OBI1: variants seen among roughly 807,000 people sequenced by gnomAD.
OBI1 encodes the protein ring finger protein 219.
A neutral mutation model predicts 62.4 loss-of-function variants in OBI1; 59 were observed. The observed-to-expected ratio is 0.95, with a 90% CI of 0.77 to 1.17. OBI1 has a LOEUF of 1.17. Among genes scored for constraint, OBI1 ranks in the 50% most tolerant of loss-of-function variants. OBI1 has a pLI of 0.00. For synonymous variants in OBI1, 302 were observed against 292.8 expected (o/e 1.03, Z -0.32); for missense variants, 875 against 830.9 (o/e 1.05, Z -0.65).
At chr13:78,639,118 C>G in intron 3 of OBI1, 47 bp from the exon 4 acceptor site, 1 of 1,553,368 alleles carries the variant, frequency 6.4e-7, no homozygotes. Flanking sequence ...ACACTAAACA[C>G]ATACATACAT....
chr13:78,658,963 C>T (rs1002765050), intron 1 of OBI1, 86 bp downstream of exon 1: 2 of 1,260,632 alleles, frequency 1.6e-6, no homozygotes, highest in Non-Finnish European at 2.3e-6. Context: ...CACGCCCCTT[C>T]CCCGCCCCCG....
intron 1 of OBI1, among the ~76,000 whole-genome samples, chr13:78,647,883 A>G (rs1876430843): frequency 1.3e-5 from 2 of 152,198 alleles, no homozygotes; most frequent in Admixed American, 1.3e-4. Flanking sequence ...TATGAACACT[A>G]ACCCAAGAAA....
chr13:78,654,045 A>AC (rs1876624571), intron 1 of OBI1, among the ~76,000 whole-genome samples: 1 of 151,358 alleles, frequency 6.6e-6, no homozygotes, highest in Non-Finnish European at 1.5e-5. Context: ...AAAAAAAAAA[A>AC]AACCTGTGTG....
chr13:78,616,143 C>CA lies in OBI1; in HGVS notation c.1617dup (p.Glu540Ter). On this transcript the variant is annotated frameshift_variant, in exon 6 of 6. Coordinates refer to ENST00000282003, the MANE Select transcript of OBI1 (RefSeq NM_024546.4). LOFTEE classifies it high-confidence loss of function. ...GACTCTGACATCATTGAATCCAACT[C>CA]AGAGATTTTGTCAAGGTAAGCAGCA... is the stretch of plus-strand genomic sequence containing the variant. 8 of 1,614,134 alleles carry CA rather than the reference C, an allele frequency of 5.0e-6. No individual in the cohort carries two copies. Among genetic ancestry groups the CA allele is most frequent in the Non-Finnish European group, 6.8e-6 (8 of 1,180,028 alleles).
At chr13:78,621,810 G>C (rs1177475734) in intron 5 of OBI1, among the ~76,000 whole-genome samples, 1 of 152,172 alleles carries the variant, frequency 6.6e-6, no homozygotes, top group African/African-American at 2.4e-5. Context: ...AAGCAATGTG[G>C]AGCTCTTTCA....
chr13:78,643,078 T>C (rs2329100), intron 2 of OBI1, among the ~76,000 whole-genome samples: 146,157 of 152,132 alleles, frequency 0.96, 70,434 homozygotes, highest in East Asian at 1. Context: ...CTTCTTTGTA[T>C]TTTTTAGCAT....
At chr13:78,641,777 A>G (rs1249486889) in intron 3 of OBI1, among the ~76,000 whole-genome samples, 1 of 151,660 alleles carries the variant, frequency 6.6e-6, no homozygotes, top group African/African-American at 2.4e-5. Context: ...TTTTCTCCCA[A>G]CTTCTTGAGG....
At chr13:78,618,090 C>T (rs1004814871) in intron 5 of OBI1, among the ~76,000 whole-genome samples, 1 of 152,032 alleles carries the variant, frequency 6.6e-6, no homozygotes, top group Admixed American at 6.6e-5. Context: ...AAAATATCTA[C>T]CTTAAATTCA....
intron 1 of OBI1, among the ~76,000 whole-genome samples, chr13:78,658,027 ACTTT>A (rs1220302497): frequency 1.3e-5 from 2 of 152,184 alleles, no homozygotes; most frequent in Non-Finnish European, 2.9e-5. Context: ...TCCAATGCTG[ACTTT>A]CTTCTACTTT....
intron 1 of OBI1, among the ~76,000 whole-genome samples, chr13:78,652,334 C>T (rs1876566674): frequency 6.6e-6 from 1 of 151,980 alleles, no homozygotes; most frequent in South Asian, 2.1e-4. Flanking sequence ...TCCTCTTCTA[C>T]CCAGATCCTG....
At position 78,635,165 on chromosome 13, in the gene OBI1, GACC is replaced by G. The variant is rs1875983911; in HGVS notation, c.580_582del (p.Gly194del). ...TTCAGTCGTAAATTCTCCCTCACCA[GACC>G]ACCATTTTCCAATTTCAATTTTTTA... On this transcript the variant is annotated inframe_deletion, in exon 5 of 6. Coordinates refer to ENST00000282003, the MANE Select transcript of OBI1 (RefSeq NM_024546.4). 2 of 1,609,382 alleles carry G rather than the reference GACC, an allele frequency of 1.2e-6. No individual in the cohort carries two copies. Among genetic ancestry groups the G allele is most frequent in the African/African-American group, 1.3e-5 (1 of 74,822 alleles).
chr13:78,654,953 C>A (rs1876656079), intron 1 of OBI1, among the ~76,000 whole-genome samples: 1 of 152,124 alleles, frequency 6.6e-6, no homozygotes, highest in African/African-American at 2.4e-5. Context: ...TCAAAATACT[C>A]TGGTTTATTG....
chr13:78,628,124 C>T (rs1048516382), intron 5 of OBI1, among the ~76,000 whole-genome samples: 1 of 152,156 alleles, frequency 6.6e-6, no homozygotes, highest in Non-Finnish European at 1.5e-5. Context: ...TAATTGCTAA[C>T]TATGGACTCT....
At position 78,644,913 on chromosome 13, in the gene OBI1, G is replaced by C; in HGVS notation, c.157C>G (p.Pro53Ala). 6.2e-7 allele frequency: 1 copy of C among 1,613,930 alleles called. No individual in the cohort carries two copies. Among genetic ancestry groups the C allele is most frequent in the Non-Finnish European group, 8.5e-7 (1 of 1,179,934 alleles). The part of the protein sequence containing the change: ...DLWLKNNSQC[P>A]ACRVPITPEN... Reference sequence around the variant, plus strand: ...GGAGTGATGGGGACTCTGCAAGCTGGACACTGGCTATTATTCTTCAACCAC... The same window carrying C: ...GGAGTGATGGGGACTCTGCAAGCTGCACACTGGCTATTATTCTTCAACCAC... The change falls in exon 2 of 6, where the codon CCA becomes GCA. Residue 53 changes from proline to alanine, a missense_variant. By Grantham distance (27) the Pro-to-Ala change is conservative. Coordinates refer to ENST00000282003, the MANE Select transcript of OBI1 (RefSeq NM_024546.4).
chr13:78,628,736 G>C (rs1215296685), intron 5 of OBI1, among the ~76,000 whole-genome samples: 6 of 152,078 alleles, frequency 3.9e-5, no homozygotes, highest in East Asian at 1.9e-4. Flanking sequence ...AAATGAATTG[G>C]GTAGGGAAAG....
chr13:78,627,172 A>G (rs573329501), intron 5 of OBI1, among the ~76,000 whole-genome samples: 1 of 152,212 alleles, frequency 6.6e-6, no homozygotes, highest in Non-Finnish European at 1.5e-5. Context: ...GGTAGGCTAT[A>G]GAGAACATAC....
chr13:78,631,525 C>T (rs1453781718), intron 5 of OBI1, among the ~76,000 whole-genome samples: 1 of 152,080 alleles, frequency 6.6e-6, no homozygotes, highest in Admixed American at 6.5e-5. Flanking sequence ...TATCACCACC[C>T]CTTGAGCTCT....
At chr13:78,648,555 C>T (rs1019187436) in intron 1 of OBI1, among the ~76,000 whole-genome samples, 2 of 151,318 alleles carry the variant, frequency 1.3e-5, no homozygotes, top group Non-Finnish European at 2.9e-5. Context: ...AAAAGCAAAG[C>T]GTGCACATTA....
At chr13:78,658,440 C>T (rs971177484) in intron 1 of OBI1, among the ~76,000 whole-genome samples, 1 of 152,222 alleles carries the variant, frequency 6.6e-6, no homozygotes, top group Non-Finnish European at 1.5e-5. Context: ...TCCTGACTGA[C>T]CCATTCTTGG....
Sources: gnomAD v4.1 joint callset for allele counts (sites outside exome capture counted in the v4.1 genomes callset) on GRCh38, gnomAD v4.1.1 for gene constraint, MANE v1.5 for transcripts, NCBI Gene and HGNC (gene_info 2026-07-23, HGNC 2026-07-21) for gene names.